DPH6: variants seen among roughly 807,000 people sequenced by gnomAD.
DPH6 encodes the protein diphthamine biosynthesis 6, also known as diphthine--ammonia ligase.
A neutral mutation model predicts 38.2 loss-of-function variants in DPH6; 33 were observed. The observed-to-expected ratio is 0.86, with a 90% CI of 0.65 to 1.15. The LOEUF (loss-of-function observed/expected upper bound fraction) is 1.15, where lower values mean the gene tolerates loss of function less well. DPH6 is among the 50% of genes most tolerant of loss of function. The pLI is 0.00. For missense variants in DPH6, 325 were observed against 320.0 expected, an observed-to-expected ratio of 1.02 and a Z score of -0.12; for synonymous variants, 108 against 103.0, an observed-to-expected ratio of 1.05 and a Z score of -0.30.
At chr15:35,410,230 A>G (rs1196034774) in intron 6 of DPH6, among the ~76,000 whole-genome samples, 2 of 151,836 alleles carry the variant, frequency 1.3e-5, no homozygotes, top group African/African-American at 4.8e-5. Flanking sequence ...TGTAATAATT[A>G]AACATTCTAG....
chr15:35,306,628 T>C (rs1344157978), intron 3 of DPH6, among the ~76,000 whole-genome samples: 1 of 152,256 alleles, frequency 6.6e-6, no homozygotes, highest in Non-Finnish European at 1.5e-5. Flanking sequence ...TGGCTTTGAA[T>C]TTCATGATTG....
At chr15:35,370,472 A>G (rs1340065610), downstream of DPH6, among the ~76,000 whole-genome samples, 1 of 151,838 alleles carries the variant, frequency 6.6e-6, no homozygotes, top group Non-Finnish European at 1.5e-5. Context: ...AAATATGCAA[A>G]GAACTCTTAA....
At chr15:35,234,006 G>T (rs1481161058) in intron 3 of DPH6, among the ~76,000 whole-genome samples, 1 of 152,062 alleles carries the variant, frequency 6.6e-6, no homozygotes, top group Non-Finnish European at 1.5e-5. Flanking sequence ...TTGCCTGTTT[G>T]TTATCGTGTA....
At chr15:35,218,262 G>C (rs1195297931) in exon 4 of DPH6, 1 of 152,154 alleles carries the variant, frequency 6.6e-6, no homozygotes, top group African/African-American at 2.4e-5. Context: ...AAATAACATA[G>C]TATTTGTTCA....
chr15:35,431,754 C>T (rs1214167434), intron 5 of DPH6, among the ~76,000 whole-genome samples: 1 of 133,198 alleles, frequency 7.5e-6, no homozygotes, highest in African/African-American at 3.4e-5. Context: ...GAGAGTAGTC[C>T]TAAATCTTGG....
chr15:35,282,619 G>A, intron 3 of DPH6: 1 of 401,200 alleles, frequency 2.5e-6, no homozygotes, highest in Non-Finnish European at 5.2e-6. Flanking sequence ...CAATCTGGGA[G>A]CAGATTGGAT....
At chr15:35,464,161 G>A (rs981622873) in intron 3 of DPH6, among the ~76,000 whole-genome samples, 2 of 152,054 alleles carry the variant, frequency 1.3e-5, no homozygotes, top group Admixed American at 6.6e-5. Flanking sequence ...GGGCGTGGTG[G>A]CACGCGCCTG....
chr15:35,481,929 A>G (rs1363656052), intron 3 of DPH6, among the ~76,000 whole-genome samples: 1 of 152,218 alleles, frequency 6.6e-6, no homozygotes, highest in East Asian at 1.9e-4. Context: ...AAGCAATGAT[A>G]AACCTGGATA....
intron 2 of DPH6, among the ~76,000 whole-genome samples, chr15:35,539,260 T>C (rs1476086046): frequency 1.3e-5 from 2 of 152,064 alleles, no homozygotes; most frequent in African/African-American, 4.8e-5. Context: ...TTTGCAAAGA[T>C]ACTTATCACA....
At chr15:35,285,801 T>C (rs1370305052) in intron 3 of DPH6, among the ~76,000 whole-genome samples, 2 of 148,880 alleles carry the variant, frequency 1.3e-5, no homozygotes, top group Non-Finnish European at 1.5e-5. Flanking sequence ...CAGAAATATC[T>C]AGACTAGATT....
rs748393225 is a variant in DPH6 at position 35,454,744 on chromosome 15, TAC to T, written c.386+1_386+2del. On this transcript the variant is annotated splice_donor_variant, in intron 4 of 8. Transcript: ENST00000256538. LOFTEE classifies it high-confidence loss of function. ...TAAAACTAACAAATTAATGTTTTCTTACACATTTTCCACTCGAATACGCTGAT... is the reference window on the plus strand; with the variant it reads ...TAAAACTAACAAATTAATGTTTTCTTACATTTTCCACTCGAATACGCTGAT... 1.2e-6 allele frequency: 2 copies of T among 1,604,870 alleles called. No homozygotes were observed. The highest frequency in any genetic ancestry group is 4.5e-5 in the East Asian group (2 of 44,564).
At position 35,464,745 on chromosome 15, in the gene DPH6, C is replaced by T. The variant is rs973815902; in HGVS notation, c.313-9925G>A. ...TCTAATCACCAAAATGTAAACCTGT[C>T]TGTAAGAGTTTATAACCTAGTCCTA... is the stretch of plus-strand genomic sequence containing the variant. On this transcript the variant is annotated intron_variant, in intron 3 of 8. Transcript: ENST00000256538. Among the ~76,000 whole-genome samples, 3 of 152,302 alleles carry T rather than the reference C, an allele frequency of 2.0e-5. No individual in the cohort carries two copies. The South Asian group carries it at 6.2e-4, about 32-fold the overall frequency.
intron 3 of DPH6, among the ~76,000 whole-genome samples, chr15:35,354,817 CCTAA>C (rs541422121): frequency 2.6e-3 from 396 of 151,814 alleles, no homozygotes; most frequent in Non-Finnish European, 3.8e-3. Flanking sequence ...GGGAGGATTT[CCTAA>C]CTTATTCCTG....
intron 3 of DPH6, among the ~76,000 whole-genome samples, chr15:35,254,563 T>A (rs895216233): frequency 2.0e-5 from 3 of 152,214 alleles, no homozygotes; most frequent in African/African-American, 7.2e-5. Flanking sequence ...GGTTTGTACC[T>A]TAAGCAAAAT....
At chr15:35,384,936 C>A (rs1343383381) in intron 6 of DPH6, among the ~76,000 whole-genome samples, 1 of 152,074 alleles carries the variant, frequency 6.6e-6, no homozygotes, top group Non-Finnish European at 1.5e-5. Flanking sequence ...AAAAAAACAA[C>A]CCCATCAAAA....
intron 3 of DPH6, among the ~76,000 whole-genome samples, chr15:35,267,760 G>C (rs1193877831): frequency 6.6e-6 from 1 of 152,134 alleles, no homozygotes; most frequent in Non-Finnish European, 1.5e-5. Flanking sequence ...ATTTATAGTA[G>C]AGGAAGGTAT....
intron 3 of DPH6, among the ~76,000 whole-genome samples, chr15:35,509,627 T>C (rs1187114630): frequency 2.6e-5 from 4 of 152,210 alleles, no homozygotes; most frequent in African/African-American, 9.6e-5. Flanking sequence ...TCTGTATTTA[T>C]TGAAAGTACA....
chr15:35,529,279 G>T (rs538863111), intron 3 of DPH6, among the ~76,000 whole-genome samples: 2 of 152,104 alleles, frequency 1.3e-5, no homozygotes, highest in African/African-American at 4.8e-5. Flanking sequence ...GGCAGAAGTC[G>T]AAAGAAAAGC....
chr15:35,447,511 C>T (rs898045531), intron 5 of DPH6, among the ~76,000 whole-genome samples: 2 of 151,974 alleles, frequency 1.3e-5, no homozygotes, highest in African/African-American at 2.4e-5. Context: ...ACTGGCTCAA[C>T]GGTTGTATTA....
Sources: gnomAD v4.1 joint callset for allele counts (sites outside exome capture counted in the v4.1 genomes callset) on GRCh38, gnomAD v4.1.1 for gene constraint, MANE v1.5 for transcripts, NCBI Gene and HGNC (gene_info 2026-07-23, HGNC 2026-07-21) for gene names.